The following ASB7 variants were observed in gnomAD, a reference collection of about 807,000 sequenced individuals.
The protein encoded by ASB7 is ankyrin repeat and SOCS box containing 7.
ASB7 carries 4 observed loss-of-function variants against 32.5 expected under a neutral mutation model. The ratio of observed to expected loss-of-function variants is 0.12; its 90% CI spans 0.06 to 0.28. The LOEUF is 0.28. Among genes scored for constraint, ASB7 ranks in the 10% least tolerant of loss-of-function variants. ASB7 has a pLI of 1.00. For missense variants in ASB7, 181 were observed against 407.1 expected (o/e 0.44, Z 4.78); for synonymous variants, 172 against 155.6 (o/e 1.11, Z -0.78).
At chr15:100,610,554 G>A (rs1399604586) in intron 3 of ASB7, among the ~76,000 whole-genome samples, 1 of 151,892 alleles carries the variant, frequency 6.6e-6, no homozygotes, top group Non-Finnish European at 1.5e-5. Context: ...ATAGCTATTT[G>A]TAGAAGTAGC....
intron 2 of ASB7, chr15:100,609,472 C>G (rs1055052185): frequency 6.6e-5 from 10 of 152,024 alleles, no homozygotes. Flanking sequence ...TTTATTTGCT[C>G]TTTCTCAAAT....
At chr15:100,611,478 TCGA>T (rs1432621027) in intron 3 of ASB7, among the ~76,000 whole-genome samples, 1 of 107,570 alleles carries the variant, frequency 9.3e-6, no homozygotes, top group Non-Finnish European at 1.9e-5. Context: ...CCAGATTGTT[TCGA>T]TTCTTTTTTT....
At chr15:100,608,283 C>T (rs1311301759) in intron 2 of ASB7, among the ~76,000 whole-genome samples, 1 of 152,162 alleles carries the variant, frequency 6.6e-6, no homozygotes, top group Non-Finnish European at 1.5e-5. Flanking sequence ...CCTACATGCT[C>T]GATACTCAGT....
chr15:100,628,864 A>G (rs920648379), intron 4 of ASB7, among the ~76,000 whole-genome samples: 17 of 152,228 alleles, frequency 1.1e-4, no homozygotes, highest in African/African-American at 4.1e-4. Flanking sequence ...CTATCTTGTG[A>G]AAAAACAATT....
In ASB7 at chr15:100,616,596, A is replaced by G. The variant is rs1336320001; in HGVS notation, c.211+4169A>G. Among the ~76,000 whole-genome samples the G allele has an allele frequency of 5.9e-5, 9 of 152,344 alleles. No individual in the cohort carries two copies. In the South Asian group the frequency reaches 1.2e-3, roughly 21 times the overall value. On this transcript the variant is annotated intron_variant, in intron 4 of 5. Transcript: ENST00000332783. ...TTTCTTCATTACTGTGCACTAGGTC[A>G]GATATAAGGTTTTCATATATGTGTG...
chr15:100,643,773 A>G (rs1221440207), intron 5 of ASB7, among the ~76,000 whole-genome samples: 2 of 151,620 alleles, frequency 1.3e-5, no homozygotes, highest in African/African-American at 4.8e-5. Flanking sequence ...GATTACAGAC[A>G]TGATGCACCG....
At chr15:100,614,973 T>G (rs891986483) in intron 4 of ASB7, among the ~76,000 whole-genome samples, 1 of 152,142 alleles carries the variant, frequency 6.6e-6, no homozygotes, top group Non-Finnish European at 1.5e-5. Context: ...ACAATGGTGG[T>G]CCCATAAAAT....
At chr15:100,621,250 C>T (rs537326692) in intron 4 of ASB7, among the ~76,000 whole-genome samples, 7 of 152,196 alleles carry the variant, frequency 4.6e-5, no homozygotes, top group East Asian at 1.9e-4. Flanking sequence ...ATTCTTTTAA[C>T]GTGGCCAGAG....
chr15:100,626,802 A>G (rs2039842735), intron 4 of ASB7, among the ~76,000 whole-genome samples: 1 of 152,266 alleles, frequency 6.6e-6, no homozygotes, highest in African/African-American at 2.4e-5. Flanking sequence ...TGTCGATACA[A>G]CATGGAAGTA....
At chr15:100,632,316 C>T (rs1370703116) in intron 5 of ASB7, among the ~76,000 whole-genome samples, 1 of 152,218 alleles carries the variant, frequency 6.6e-6, no homozygotes, top group Non-Finnish European at 1.5e-5. Context: ...GCAGGGTCCT[C>T]CGTCTGTTAA....
intron 5 of ASB7, among the ~76,000 whole-genome samples, chr15:100,636,028 A>G (rs185030806): frequency 3.2e-4 from 48 of 152,344 alleles, no homozygotes; most frequent in Non-Finnish European, 6.5e-4. Context: ...TAAAACTCAC[A>G]GCTGAGTGGG....
chr15:100,634,640 C>G (rs1416894830), intron 5 of ASB7, among the ~76,000 whole-genome samples: 1 of 152,138 alleles, frequency 6.6e-6, no homozygotes, highest in Non-Finnish European at 1.5e-5. Flanking sequence ...CCCGTCTCTA[C>G]TAAAAACACA....
intron 4 of ASB7, among the ~76,000 whole-genome samples, chr15:100,617,026 T>C (rs1003660066): frequency 2.0e-5 from 3 of 152,168 alleles, no homozygotes; most frequent in African/African-American, 4.8e-5. Context: ...CTAGAAACCA[T>C]CCTTGGTACC....
chr15:100,622,676 A>G (rs2039804194), intron 4 of ASB7, among the ~76,000 whole-genome samples: 1 of 152,240 alleles, frequency 6.6e-6, no homozygotes, highest in African/African-American at 2.4e-5. Context: ...GACAAAGATA[A>G]CAAGAACATA....
intron 4 of ASB7, among the ~76,000 whole-genome samples, chr15:100,625,985 G>A (rs917434233): frequency 2.0e-5 from 3 of 152,076 alleles, no homozygotes; most frequent in Admixed American, 6.5e-5. Context: ...TTGAACTTAC[G>A]TTATACCACA....
intron 2 of ASB7, among the ~76,000 whole-genome samples, chr15:100,608,962 G>A (rs901770655): frequency 1.3e-5 from 2 of 152,186 alleles, no homozygotes; most frequent in Non-Finnish European, 2.9e-5. Context: ...CAGGGGATGA[G>A]GTAGTAGTTC....
At chr15:100,619,264 A>C (rs1423293502) in intron 4 of ASB7, among the ~76,000 whole-genome samples, 2 of 152,220 alleles carry the variant, frequency 1.3e-5, no homozygotes, top group East Asian at 3.9e-4. Flanking sequence ...AAGAAGGAGC[A>C]CTTTTGGTTT....
intron 2 of ASB7, among the ~76,000 whole-genome samples, chr15:100,608,138 G>A (rs890527834): frequency 5.9e-5 from 9 of 152,188 alleles, no homozygotes; most frequent in African/African-American, 1.9e-4. Flanking sequence ...GATGTAGCTC[G>A]TGAAAAGTGG....
At position 100,626,447 on chromosome 15, in the gene ASB7, A is replaced by C. The variant is rs181158124; in HGVS notation, c.212-2990A>C. 2.6e-5 allele frequency among the ~76,000 whole-genome samples: 4 copies of C among 152,344 alleles called. No individual in the cohort carries two copies. The East Asian group carries it at 7.7e-4, about 29-fold the overall frequency. On this transcript the variant is annotated intron_variant, in intron 4 of 5. Transcript: ENST00000332783. ...AGAATGAGTGAAATTAAAATGACTA[A>C]TGATACCAAGATGTAGAACAATCTG...
Sources: allele counts gnomAD v4.1 joint callset (sites outside exome capture counted in the v4.1 genomes callset), GRCh38; gene constraint gnomAD v4.1.1; transcripts MANE v1.5; gene names NCBI Gene and HGNC (gene_info 2026-07-23, HGNC 2026-07-21).